STK31: variants seen among roughly 807,000 people sequenced by gnomAD.
The protein encoded by STK31 is serine/threonine-protein kinase 31.
STK31 carries 89 observed loss-of-function variants against 129.7 expected under a neutral mutation model. The observed-to-expected ratio is 0.69, with a 90% CI of 0.58 to 0.82. The LOEUF (loss-of-function observed/expected upper bound fraction) is 0.82. Ranked by LOEUF, STK31 falls within the 40% of genes least tolerant of loss-of-function variation. STK31 has a pLI of 0.00. For synonymous variants in STK31, 448 were observed against 395.3 expected, an observed-to-expected ratio of 1.13 and a Z score of -1.58; for missense variants, 1,187 against 1,176.4, an observed-to-expected ratio of 1.01 and a Z score of -0.13.
At chr7:23,811,434 G>A in intron 22 of STK31, 1 of 330,294 alleles carries the variant, frequency 3.0e-6, no homozygotes, top group South Asian at 3.3e-5. Context: ...TGCAAGTGAT[G>A]GTTCATGACA....
At chr7:23,780,379 AAGGT>A (rs1241587020) in intron 15 of STK31, among the ~76,000 whole-genome samples, 1 of 152,208 alleles carries the variant, frequency 6.6e-6, no homozygotes, top group Admixed American at 6.5e-5. Context: ...TTGTTTTGCC[AAGGT>A]TAAGGATGCA....
intron 22 of STK31, among the ~76,000 whole-genome samples, chr7:23,811,962 A>G (rs1484913374): frequency 1.3e-5 from 2 of 152,220 alleles, no homozygotes; most frequent in Non-Finnish European, 2.9e-5. Context: ...GGTTTGGATC[A>G]TCATATATGA....
At chr7:23,801,332 T>C (rs1792355916) in intron 22 of STK31, among the ~76,000 whole-genome samples, 1 of 152,208 alleles carries the variant, frequency 6.6e-6, no homozygotes, top group Admixed American at 6.5e-5. Flanking sequence ...TGTTTATTAT[T>C]GGCTTTCTGT....
At chr7:23,808,970 T>TGTGTGTGTGTGTGTGTGTGTGC (rs60631283) in intron 22 of STK31, among the ~76,000 whole-genome samples, 5,213 of 139,484 alleles carry the variant, frequency 0.037, 193 homozygotes, top group Non-Finnish European at 0.05. Flanking sequence ...TGTGTGTGTG[T>TGTGTGTGTGTGTGTGTGTGTGC]GCCTGTGTCT....
At chr7:23,798,942 T>A (rs954411748) in intron 22 of STK31, among the ~76,000 whole-genome samples, 11 of 152,138 alleles carry the variant, frequency 7.2e-5, no homozygotes, top group African/African-American at 2.7e-4. Context: ...AACATTCTTA[T>A]ACACCCGTAA....
At chr7:23,830,240 A>T (rs1373126238) in intron 23 of STK31, among the ~76,000 whole-genome samples, 2 of 151,982 alleles carry the variant, frequency 1.3e-5, no homozygotes, top group Non-Finnish European at 1.5e-5. Flanking sequence ...TTTATCTTTT[A>T]AAAAAATTTT....
At chr7:23,815,246 A>T (rs1025880729) in intron 23 of STK31, 34 bp downstream of exon 23, 2 of 1,403,832 alleles carry the variant, frequency 1.4e-6, no homozygotes, top group African/African-American at 2.9e-5. Context: ...CTGGTTTGAA[A>T]CACATGCAGT....
In STK31 at chr7:23,832,351, C is replaced by A. The variant is rs371248694; in HGVS notation, c.3045C>A (p.Ala1015=). 1.9e-5 allele frequency: 30 copies of A among 1,607,942 alleles called. No individual in the cohort carries two copies. In the East Asian group the frequency reaches 2.7e-4, roughly 14 times the overall value. The change falls in exon 24 of 24, where the codon GCC becomes GCA. Residue 1015 remains alanine, a synonymous_variant. Transcript: ENST00000355870. ...KCMEKTRNGE[A]NFDC ...TGGAGAAGACAAGAAATGGTGAAGC[C>A]AACTTTGATTGTTAAATTATTATTG...
chr7:23,757,815 C>G (rs993071887), intron 10 of STK31, among the ~76,000 whole-genome samples: 2 of 152,184 alleles, frequency 1.3e-5, no homozygotes, highest in African/African-American at 2.4e-5. Flanking sequence ...AGCCGTATTT[C>G]AGACTGTCAC....
rs145894677 is a variant in STK31 at position 23,758,664 on chromosome 7, A to G, written c.1294-4137A>G. 4.2e-3 allele frequency among the ~76,000 whole-genome samples: 632 copies of G among 152,184 alleles called. 9 individuals carry two copies. Among genetic ancestry groups the G allele is most frequent in the African/African-American group, 0.014 (580 of 41,528 alleles). On this transcript the variant is annotated intron_variant, in intron 10 of 23. Coordinates refer to ENST00000355870, the MANE Select transcript of STK31 (RefSeq NM_031414.5). Reference sequence around the variant, plus strand: ...ATCTGTGTCCTGGAGATTCTGGTACATTGTCTCTTTGTTCTCATTGGTTTC... The same window carrying G: ...ATCTGTGTCCTGGAGATTCTGGTACGTTGTCTCTTTGTTCTCATTGGTTTC...
At chr7:23,803,842 A>G (rs1342820494) in intron 22 of STK31, among the ~76,000 whole-genome samples, 1 of 152,158 alleles carries the variant, frequency 6.6e-6, no homozygotes, top group East Asian at 1.9e-4. Flanking sequence ...TATATCTTTT[A>G]ACTGAAATAC....
chr7:23,710,107 A>T, upstream of STK31: 1 of 1,052,982 alleles, frequency 9.5e-7, no homozygotes, highest in Non-Finnish European at 1.4e-6. Context: ...AGCCAGCGTC[A>T]GGCGGCTCCC....
Position 23,832,119 on chromosome 7 carries a change from C to T in STK31, c.2830-17C>T, listed in dbSNP as rs1794588225. ...CCTTTTGTTCCTTTGTTTTGTAACA[C>T]CTGTTTTTCCTTGCAGGATGATAAA... On this transcript the variant is annotated splice_polypyrimidine_tract_variant and intron_variant, in intron 23 of 23. Transcript: ENST00000355870. 1 of 1,566,210 alleles carries T rather than the reference C, an allele frequency of 6.4e-7. No individual in the cohort carries two copies. The highest frequency in any genetic ancestry group is 1.1e-5 in the South Asian group (1 of 89,374).
intron 14 of STK31, chr7:23,771,534 C>G (rs534408231): frequency 1.3e-5 from 2 of 153,314 alleles, no homozygotes; most frequent in South Asian, 4.1e-4. Flanking sequence ...TTCAAACATA[C>G]TTTCTTCATT....
At chr7:23,717,394 T>G (rs1341826006) in intron 3 of STK31, 87 bp from the exon 4 acceptor site, 3 of 504,802 alleles carry the variant, frequency 5.9e-6, no homozygotes, top group Non-Finnish European at 8.5e-6. Context: ...CTAAAATCTT[T>G]TAAGTTTATC....
chr7:23,720,077 A>G (rs1786598374), intron 4 of STK31, among the ~76,000 whole-genome samples: 1 of 152,178 alleles, frequency 6.6e-6, no homozygotes, highest in Non-Finnish European at 1.5e-5. Context: ...GCCTGTTTTT[A>G]TCACTGATAA....
At chr7:23,776,668 G>A (rs1328637814) in intron 15 of STK31, among the ~76,000 whole-genome samples, 1 of 152,162 alleles carries the variant, frequency 6.6e-6, no homozygotes, top group Non-Finnish European at 1.5e-5. Flanking sequence ...TGTGGGATCA[G>A]TGGTGATATC....
rs1174383800 is a variant in STK31, at chr7:23,721,176, A to G, written c.249+3597A>G. The stretch of plus-strand genomic sequence containing the variant: ...TTTACATTATTATTGTTACTGACAG[A>G]AACAAGTTTTGCTTTTTTCCACTAT... On this transcript the variant is annotated intron_variant, in intron 4 of 23. Coordinates refer to ENST00000355870, the MANE Select transcript of STK31 (RefSeq NM_031414.5). 3 of 304,942 alleles carry G rather than the reference A, an allele frequency of 9.8e-6. No homozygotes were observed. The South Asian group carries it at 2.2e-4, about 23-fold the overall frequency. 18.9% of individuals were successfully genotyped at this position (304,942 alleles called of 1,614,324 possible).
chr7:23,758,518 G>C (rs1459991954), intron 10 of STK31, among the ~76,000 whole-genome samples: 1 of 151,222 alleles, frequency 6.6e-6, no homozygotes, highest in Non-Finnish European at 1.5e-5. Context: ...CTAGCTTTTG[G>C]GTTCATTTGC....
Sources: allele counts gnomAD v4.1 joint callset (sites outside exome capture counted in the v4.1 genomes callset), GRCh38; gene constraint gnomAD v4.1.1; transcripts MANE v1.5; gene names NCBI Gene and HGNC (gene_info 2026-07-23, HGNC 2026-07-21).